Variants in TRPM4 observed in about 807,000 individuals in gnomAD.
TRPM4 encodes calcium-activated non-selective cation channel 1.
In TRPM4, 124 loss-of-function variants were observed where a neutral mutation model predicts 135.6. That is an observed-to-expected ratio of 0.91 (90% CI 0.79 to 1.06). The LOEUF (loss-of-function observed/expected upper bound fraction) is 1.06. TRPM4 is among the 50% of genes least tolerant of loss of function. The pLI is 0.00. For missense variants in TRPM4, 1,658 were observed against 1,671.4 expected, an observed-to-expected ratio of 0.99 and a Z score of 0.14; for synonymous variants, 745 against 705.6, an observed-to-expected ratio of 1.06 and a Z score of -0.88.
In TRPM4 at chr19:49,211,054, G is replaced by A. The variant is rs902802302; in HGVS notation, c.3501G>A (p.Glu1167=). The change falls in exon 23 of 25, where the codon GAG becomes GAA. Residue 1167 remains glutamate (E), a synonymous_variant. Coordinates refer to ENST00000252826, the MANE Select transcript of TRPM4 (RefSeq NM_017636.4). The surrounding 1 kb of genome is among the most constrained non-coding windows in gnomAD (Gnocchi z 4.8). ...LALKQLGHIR[E]YEQRLKVLER... is the part of the protein sequence containing the mutation. ...TGAAACAGCTGGGACACATCCGCGA[G>A]TACGAACAGCGCCTGAAAGTGCTGG... is the stretch of plus-strand genomic sequence containing the variant. The A allele has an allele frequency of 6.2e-7, 1 of 1,614,170 alleles. No individual in the cohort carries two copies.
intron 9 of TRPM4, 46 bp from the exon 10 acceptor site, chr19:49,181,303 C>T (rs1186080573): frequency 1.4e-6 from 2 of 1,402,578 alleles, no homozygotes; most frequent in African/African-American, 1.4e-5. Context: ...CAGCAGATGT[C>T]CCTCCTCCCC....
Position 49,182,474 on chromosome 19 carries a change from ATCCATCCATCCATC to A in TRPM4, c.1264-103_1264-90del, listed in dbSNP as rs1968014071. ...CACCCATCCATCCATCCATCCATCC[ATCCATCCATCCATC>A]CATCCATCCATCCGTCCCTCATACC... On this transcript the variant is annotated intron_variant, in intron 10 of 24. Coordinates refer to ENST00000252826, the MANE Select transcript of TRPM4 (RefSeq NM_017636.4). 4 of 839,198 alleles carry A rather than the reference ATCCATCCATCCATC, an allele frequency of 4.8e-6. No homozygotes were observed. In the African/African-American group the frequency reaches 6.7e-5, roughly 14 times the overall value. The allele number at this position is 839,198 out of a possible 1,614,324, so 52.0% of individuals were successfully genotyped here.
Position 49,182,812 on chromosome 19 carries a change from C to G in TRPM4, c.1498C>G (p.Pro500Ala), listed in dbSNP as rs781487259. The change falls in exon 11 of 25, where the codon CCC becomes GCC. Residue 500 changes from proline to alanine, a missense_variant. Pro to Ala is a conservative substitution (Grantham distance 27). Around this residue, in one of 3 missense-constraint regions of TRPM4, gnomAD observed 1,412 missense variants for 1,408.7 expected, o/e 1.00. Coordinates refer to ENST00000252826, the MANE Select transcript of TRPM4 (RefSeq NM_017636.4). ...ALKGGAAELR[P>A]PDVGHVLRML... The stretch of plus-strand genomic sequence containing the variant: ...AAAAGGGGGAGCTGCGGAGCTCCGG[C>G]CCCCTGACGTGGGGCATGTGCTGAG... The G allele has an allele frequency of 1.9e-6, 3 of 1,613,048 alleles. No homozygotes were observed. The highest frequency in any genetic ancestry group is 1.3e-5 in the African/African-American group (1 of 75,054).
intron 10 of TRPM4, 152 bp from the exon 11 acceptor site, chr19:49,182,424 CTA>C (rs1968002459): frequency 2.8e-6 from 2 of 704,426 alleles, no homozygotes; most frequent in Admixed American, 2.0e-5. Flanking sequence ...ATCCATCCAT[CTA>C]CCTATCCATT....
chr19:49,211,825 A>C lies in TRPM4; in HGVS notation c.*327A>C. ...TTCCTCACACTGGGGAAATAAAGCC[A>C]TTTCAGAGGAATCGTGTCCGGAGGC... On this transcript the variant is annotated 3_prime_UTR_variant, in exon 25 of 25. Transcript: ENST00000252826. The surrounding 1 kb of genome is among the most constrained non-coding windows in gnomAD (Gnocchi z 4.8). The C allele has an allele frequency of 2.2e-6, 1 of 450,042 alleles. No individual in the cohort carries two copies. Among genetic ancestry groups the C allele is most frequent in the East Asian group, 3.9e-5 (1 of 25,320 alleles). The allele number at this position is 450,042 out of a possible 1,614,324, so 27.9% of individuals were successfully genotyped here.
chr19:49,158,436 A>G, intron 2 of TRPM4, 177 bp downstream of exon 2: 2 of 654,526 alleles, frequency 3.1e-6, no homozygotes, highest in Non-Finnish European at 2.7e-6. Context: ...GACACCCCTC[A>G]TTCCCCATTC....
chr19:49,173,033 C>T (rs1967531791), intron 9 of TRPM4, among the ~76,000 whole-genome samples: 1 of 138,634 alleles, frequency 7.2e-6, no homozygotes, highest in Non-Finnish European at 1.6e-5. Flanking sequence ...CTCATTCTTC[C>T]ATCCATCCAT....
chr19:49,196,021 G>C (rs1968619548), intron 16 of TRPM4, among the ~76,000 whole-genome samples: 1 of 151,724 alleles, frequency 6.6e-6, no homozygotes, highest in Non-Finnish European at 1.5e-5. Context: ...ACCAGACCCG[G>C]CTAATTTTTG....
chr19:49,182,460 CCA>C (rs1968010453), intron 10 of TRPM4, 116 bp from the exon 11 acceptor site: 1 of 374,694 alleles, frequency 2.7e-6, no homozygotes, highest in East Asian at 3.9e-5. Context: ...ACCCATCCAT[CCA>C]TCCATCCATC....
In TRPM4 at chr19:49,168,683, G is replaced by A. The variant is rs748954661; in HGVS notation, c.743G>A (p.Arg248His). ...CACGGCTGCCTGGGGGGCGAGAACC[G>A]CTTCCGCTTGCGCCTGGAGTCCTAC... ...GTHGCLGGEN[R>H]FRLRLESYIS... Residue 248 changes from arginine (R) to histidine (H), a missense_variant, in exon 6 of 25, where the codon CGC becomes CAC. Around this residue, in one of 3 missense-constraint regions of TRPM4, gnomAD observed 1,412 missense variants for 1,408.7 expected, o/e 1.00. Transcript: ENST00000252826. 2.2e-5 allele frequency: 35 copies of A among 1,610,460 alleles called. No individual in the cohort carries two copies. The highest frequency in any genetic ancestry group is 8.8e-5 in the South Asian group (8 of 90,590).
At chr19:49,206,077 C>T (rs1345088854) in intron 20 of TRPM4, among the ~76,000 whole-genome samples, 1 of 152,186 alleles carries the variant, frequency 6.6e-6, no homozygotes, top group Non-Finnish European at 1.5e-5. Context: ...TCTCCTAACT[C>T]AGCCTCCTGA....
At chr19:49,183,041 A>T (rs1568472375) in intron 11 of TRPM4, 37 bp from the exon 12 acceptor site, 1 of 1,607,174 alleles carries the variant, frequency 6.2e-7, no homozygotes, top group African/African-American at 1.3e-5. Flanking sequence ...AGTGTTGGGG[A>T]GGGGCTGGTC....
Position 49,171,596 on chromosome 19 carries a change from C to T in TRPM4, c.877C>T (p.Gln293Ter). 6.2e-7 allele frequency: 1 copy of T among 1,614,056 alleles called. No individual in the cohort carries two copies. The highest frequency in any genetic ancestry group is 8.5e-7 in the Non-Finnish European group (1 of 1,180,014). Reference sequence around the variant, plus strand: ...CCTGTAGCGAATAGAGAACGCCACCCAGGCTCAGCTCCCATGTCTCCTCGT... The same window carrying T: ...CCTGTAGCGAATAGAGAACGCCACCTAGGCTCAGCTCCCATGTCTCCTCGT... The part of the protein sequence containing the change: ...KMLTRIENAT[Q>*]AQLPCLLVAG... Residue 293 changes from glutamine to a stop codon, truncating the protein, a stop_gained, in exon 8 of 25, where the codon CAG becomes TAG. Coordinates refer to ENST00000252826, the MANE Select transcript of TRPM4 (RefSeq NM_017636.4). LOFTEE classifies it high-confidence loss of function. This position sits in a 1 kb window ranked among gnomAD's most constrained non-coding sequence, Gnocchi z 4.7.
Position 49,211,324 on chromosome 19 carries a change from G to T in TRPM4, c.3640+55G>T. 1 of 1,582,932 alleles carries T rather than the reference G, an allele frequency of 6.3e-7. No homozygotes were observed. Reference sequence around the variant, plus strand: ...CCAGCCTCTGTTCCTGTATTTTTGCGTGTTTTTCTCTCTCGGCACCTTTCC... The same window carrying T: ...CCAGCCTCTGTTCCTGTATTTTTGCTTGTTTTTCTCTCTCGGCACCTTTCC... On this transcript the variant is annotated intron_variant, in intron 24 of 24. Transcript: ENST00000252826. This position sits in a 1 kb window ranked among gnomAD's most constrained non-coding sequence, Gnocchi z 4.8.
chr19:49,171,286 A>G lies in TRPM4; in HGVS notation c.797-71A>G. On this transcript the variant is annotated intron_variant, in intron 6 of 24. Coordinates refer to ENST00000252826, the MANE Select transcript of TRPM4 (RefSeq NM_017636.4). This position sits in a 1 kb window ranked among gnomAD's most constrained non-coding sequence, Gnocchi z 4.7. ...GGCTGATGTTTGCCGACTCCTGGGA[A>G]ATGCGGTTTTCTCCTATCTCCAGCA... The G allele has an allele frequency of 6.5e-7, 1 of 1,545,374 alleles. No homozygotes were observed. Among genetic ancestry groups the G allele is most frequent in the East Asian group, 2.2e-5 (1 of 44,560 alleles).
At chr19:49,173,771 C>T (rs534287380) in intron 9 of TRPM4, among the ~76,000 whole-genome samples, 43 of 152,192 alleles carry the variant, frequency 2.8e-4, no homozygotes, top group African/African-American at 1.0e-3. Flanking sequence ...GATCCTCCCA[C>T]CCCAGCCTTC....
At chr19:49,168,132 C>T in intron 4 of TRPM4, 35 bp downstream of exon 4, 1 of 1,591,854 alleles carries the variant, frequency 6.3e-7, no homozygotes, top group Non-Finnish European at 8.6e-7. Flanking sequence ...TCTCCTGGGC[C>T]TCGGCCTGCC....
intron 14 of TRPM4, 43 bp downstream of exon 14, chr19:49,189,134 G>T: frequency 6.2e-7 from 1 of 1,613,172 alleles, no homozygotes; most frequent in South Asian, 1.1e-5. Context: ...TCTCCAAGTG[G>T]ACTCTGGGAA....
intron 16 of TRPM4, among the ~76,000 whole-genome samples, chr19:49,194,097 C>G (rs1477132482): frequency 6.9e-6 from 1 of 145,580 alleles, no homozygotes; most frequent in Non-Finnish European, 1.5e-5. Context: ...CCTGCTCCTC[C>G]GCCTTCTCCT....
Sources: gnomAD v4.1 joint callset for allele counts (sites outside exome capture counted in the v4.1 genomes callset) on GRCh38, gnomAD v4.1.1 for gene constraint, gnomAD v4.1.1 regional missense constraint, Gnocchi (gnomAD v3.1) non-coding constraint, MANE v1.5 for transcripts, NCBI Gene and HGNC (gene_info 2026-07-23, HGNC 2026-07-21) for gene names.